Variants in GALNTL6 observed in about 807,000 individuals in gnomAD.
GALNTL6 encodes polypeptide N-acetylgalactosaminyltransferase-like 6.
A neutral mutation model predicts 73.7 loss-of-function variants in GALNTL6; 46 were observed. The observed-to-expected ratio is 0.62, with a 90% CI of 0.49 to 0.80. GALNTL6 has a LOEUF of 0.80. Ranked by LOEUF, GALNTL6 falls within the 30% of genes least tolerant of loss-of-function variation. The probability of loss-of-function intolerance (pLI) is 0.00; values close to 1 mark genes in which losing one functional copy is unlikely to be tolerated. For synonymous variants in GALNTL6, 259 were observed against 263.7 expected (o/e 0.98, Z 0.17); for missense variants, 604 against 755.0 (o/e 0.80, Z 2.34).
chr4:172,892,672 T>G (rs1478290605), intron 8 of GALNTL6, among the ~76,000 whole-genome samples: 1 of 151,764 alleles, frequency 6.6e-6, no homozygotes, highest in Non-Finnish European at 1.5e-5. Context: ...TACTGACTGC[T>G]GCATATGCCA....
intron 5 of GALNTL6, among the ~76,000 whole-genome samples, chr4:172,602,874 T>C (rs1472778148): frequency 1.3e-5 from 2 of 152,128 alleles, no homozygotes; most frequent in Non-Finnish European, 2.9e-5. Context: ...ATTCATACAA[T>C]AGGCCACTAG....
intron 5 of GALNTL6, among the ~76,000 whole-genome samples, chr4:172,538,134 A>G (rs1413091223): frequency 1.3e-5 from 2 of 152,190 alleles, no homozygotes; most frequent in Admixed American, 1.3e-4. Flanking sequence ...GTATATACAC[A>G]GACATCAGAG....
rs1334392331 is a variant in GALNTL6, at chr4:172,678,191, A to T, written c.554-131170A>T. Among the ~76,000 whole-genome samples, 68 of 152,310 alleles carry T rather than the reference A, an allele frequency of 4.5e-4. 1 individual carries two copies. The highest frequency in any genetic ancestry group is 5.9e-5 in the Non-Finnish European group (4 of 68,016). On this transcript the variant is annotated intron_variant, in intron 5 of 12. Coordinates refer to ENST00000506823, the MANE Select transcript of GALNTL6 (RefSeq NM_001034845.3). ...GCGATTTGGCACTGGCTGTGACTGG[A>T]CTGTTTTCCAGGGTAGTCCACCCTC...
At chr4:171,982,333 TG>T (rs1739921239) in intron 2 of GALNTL6, among the ~76,000 whole-genome samples, 1 of 152,186 alleles carries the variant, frequency 6.6e-6, no homozygotes, top group African/African-American at 2.4e-5. Context: ...AGTCTCGCTC[TG>T]TCACCCAGGC....
At chr4:172,376,584 A>G (rs1363337162) in intron 5 of GALNTL6, among the ~76,000 whole-genome samples, 1 of 151,770 alleles carries the variant, frequency 6.6e-6, no homozygotes. Context: ...CAGCCACGCT[A>G]GTCGCTTTTA....
At chr4:172,663,096 G>A (rs1014359188) in intron 5 of GALNTL6, among the ~76,000 whole-genome samples, 2 of 152,176 alleles carry the variant, frequency 1.3e-5, no homozygotes, top group Non-Finnish European at 2.9e-5. Flanking sequence ...CATGTGGAGG[G>A]TGGAGAATGG....
chr4:172,807,326 AT>A (rs1741022984), intron 5 of GALNTL6, among the ~76,000 whole-genome samples: 1 of 152,246 alleles, frequency 6.6e-6, no homozygotes, highest in Non-Finnish European at 1.5e-5. Flanking sequence ...TTTGCAAGAG[AT>A]ACAAGATGAT....
intron 5 of GALNTL6, among the ~76,000 whole-genome samples, chr4:172,767,670 T>C (rs549062990): frequency 0.011 from 1,493 of 136,246 alleles, 18 homozygotes; most frequent in African/African-American, 0.04. Flanking sequence ...TTTTTTTCTT[T>C]TTTTTTTTTT....
chr4:172,274,331 T>C (rs1291415536), intron 3 of GALNTL6, among the ~76,000 whole-genome samples: 2 of 152,212 alleles, frequency 1.3e-5, no homozygotes, highest in African/African-American at 2.4e-5. Context: ...TTATATTTCA[T>C]ACTTTACAAC....
chr4:172,197,877 G>T (rs544597305), intron 2 of GALNTL6, among the ~76,000 whole-genome samples: 1 of 152,194 alleles, frequency 6.6e-6, no homozygotes, highest in East Asian at 1.9e-4. Context: ...TGGAAGGCCA[G>T]AGCGGGCAGA....
chr4:172,276,988 T>C (rs1738856056), intron 3 of GALNTL6, among the ~76,000 whole-genome samples: 1 of 152,200 alleles, frequency 6.6e-6, no homozygotes, highest in African/African-American at 2.4e-5. Flanking sequence ...CCATTATATC[T>C]TGAAACGCTC....
chr4:172,603,792 A>G (rs1018090703), intron 5 of GALNTL6, among the ~76,000 whole-genome samples: 4 of 152,160 alleles, frequency 2.6e-5, no homozygotes. Flanking sequence ...TCTTAGTGGC[A>G]TGACTCATTA....
At chr4:171,979,191 A>C (rs1232577348) in intron 2 of GALNTL6, among the ~76,000 whole-genome samples, 2 of 152,206 alleles carry the variant, frequency 1.3e-5, no homozygotes, top group Non-Finnish European at 2.9e-5. Context: ...ACATTACAGC[A>C]CGGCCATCCA....
chr4:172,385,041 T>TA (rs1491345718), intron 5 of GALNTL6, among the ~76,000 whole-genome samples: 6 of 147,320 alleles, frequency 4.1e-5, no homozygotes, highest in South Asian at 4.2e-4. Flanking sequence ...TTTTTTTTTT[T>TA]ACCCATTGGT....
intron 5 of GALNTL6, among the ~76,000 whole-genome samples, chr4:172,599,318 T>G (rs57338635): frequency 0.035 from 5,346 of 152,252 alleles, 251 homozygotes; most frequent in African/African-American, 0.1. Flanking sequence ...TTTGTCGTTA[T>G]GTATAACTGT....
At chr4:172,207,338 A>G (rs1338656348) in intron 2 of GALNTL6, among the ~76,000 whole-genome samples, 2 of 152,162 alleles carry the variant, frequency 1.3e-5, no homozygotes, top group Non-Finnish European at 2.9e-5. Flanking sequence ...AAGACGAGAA[A>G]ATACTGGGGA....
chr4:172,008,000 T>A (rs1260959086), intron 2 of GALNTL6, among the ~76,000 whole-genome samples: 1 of 152,164 alleles, frequency 6.6e-6, no homozygotes, highest in African/African-American at 2.4e-5. Flanking sequence ...TAGACATTTT[T>A]AAATTGTCTT....
chr4:172,405,802 T>A (rs72988260), intron 5 of GALNTL6, among the ~76,000 whole-genome samples: 4,661 of 152,006 alleles, frequency 0.031, 234 homozygotes, highest in African/African-American at 0.1. Flanking sequence ...TCTGTGCTTA[T>A]CCTAACATGA....
intron 2 of GALNTL6, among the ~76,000 whole-genome samples, chr4:171,946,738 A>G (rs150872355): frequency 2.2e-4 from 34 of 152,294 alleles, no homozygotes; most frequent in African/African-American, 7.9e-4. Context: ...ACTTGTGAAG[A>G]GTCATGAGGG....
Sources: gnomAD v4.1 joint callset for allele counts (sites outside exome capture counted in the v4.1 genomes callset) on GRCh38, gnomAD v4.1.1 for gene constraint, MANE v1.5 for transcripts, NCBI Gene and HGNC (gene_info 2026-07-23, HGNC 2026-07-21) for gene names.